The following ADAMTSL3 variants were observed in gnomAD, a reference collection of about 807,000 sequenced individuals.
ADAMTSL3 encodes the protein ADAMTS-like protein 3.
A neutral mutation model predicts 201.7 loss-of-function variants in ADAMTSL3; 128 were observed. The observed-to-expected ratio is 0.63, with a 90% CI of 0.55 to 0.73. ADAMTSL3 has a LOEUF of 0.73. Ranked by LOEUF, ADAMTSL3 falls within the 30% of genes least tolerant of loss-of-function variation. The probability of loss-of-function intolerance (pLI) is 0.00; values close to 1 mark genes in which losing one functional copy is unlikely to be tolerated. For synonymous variants in ADAMTSL3, 738 were observed against 748.4 expected, an observed-to-expected ratio of 0.99 and a Z score of 0.23; for missense variants, 1,990 against 2,119.6, an observed-to-expected ratio of 0.94 and a Z score of 1.20.
chr15:83,923,385 A>G (rs2066184087), intron 16 of ADAMTSL3, among the ~76,000 whole-genome samples: 1 of 152,256 alleles, frequency 6.6e-6, no homozygotes, highest in Admixed American at 6.5e-5. Flanking sequence ...GAAACGTTAC[A>G]AATTACAGTC....
intron 3 of ADAMTSL3, among the ~76,000 whole-genome samples, chr15:83,722,544 T>G (rs1207583276): frequency 1.3e-5 from 2 of 152,198 alleles, no homozygotes; most frequent in African/African-American, 2.4e-5. Flanking sequence ...CCTTATCCTC[T>G]GAGCCTAAGT....
intron 5 of ADAMTSL3, among the ~76,000 whole-genome samples, chr15:83,811,924 C>A (rs1432617913): frequency 6.6e-6 from 1 of 152,178 alleles, no homozygotes; most frequent in Non-Finnish European, 1.5e-5. Context: ...ACAGTATCTG[C>A]AGCTGTGCAC....
chr15:83,870,840 C>G lies in ADAMTSL3; in HGVS notation c.841C>G (p.His281Asp). The G allele has an allele frequency of 1.9e-6, 3 of 1,610,332 alleles. No homozygotes were observed. The highest frequency in any genetic ancestry group is 1.7e-6 in the Non-Finnish European group (2 of 1,178,886). The change falls in exon 9 of 30, where the codon CAC (histidine) becomes GAC (aspartate). Residue 281 changes from histidine (H) to aspartate (D), a missense_variant. Physicochemically the swap from His to Asp is moderately conservative, Grantham distance 81 (BLOSUM62 -1). Transcript: ENST00000286744. ...AACACTTCAAGGAAGCAAAGGAGAA[C>G]ACAGCTTTAACAGCCCCGGCGTCTT... ...SKTLQGSKGE[H>D]SFNSPGVFLV...
chr15:83,668,300 C>CT (rs34123860), intron 2 of ADAMTSL3, among the ~76,000 whole-genome samples: 81,399 of 151,310 alleles, frequency 0.54, 23,207 homozygotes, highest in East Asian at 0.77. Context: ...TTTTCTCACT[C>CT]TTTTTTTTCA....
At position 83,942,679 on chromosome 15, in the gene ADAMTSL3, G is replaced by T. The variant is rs1169957894; in HGVS notation, c.2201G>T (p.Gly734Val). 6.2e-7 allele frequency: 1 copy of T among 1,614,092 alleles called. No individual in the cohort carries two copies. The highest frequency in any genetic ancestry group is 1.1e-5 in the South Asian group (1 of 91,084). ...QTRDVYCLHPGETPAPPEECR... is the reference protein window; with the variant it reads ...QTRDVYCLHPVETPAPPEECR... Reference sequence around the variant, plus strand: ...CGAGATGTGTACTGCCTGCACCCAGGGGAGACCCCTGCCCCTCCTGAGGAG... The same window carrying T: ...CGAGATGTGTACTGCCTGCACCCAGTGGAGACCCCTGCCCCTCCTGAGGAG... The change falls in exon 18 of 30, where the codon GGG becomes GTG. Residue 734 changes from glycine to valine, a missense_variant. Physicochemically the swap from Gly to Val is moderately radical, Grantham distance 109. Transcript: ENST00000286744.
intron 7 of ADAMTSL3, among the ~76,000 whole-genome samples, chr15:83,856,278 C>T (rs989550846): frequency 2.0e-5 from 3 of 150,722 alleles, no homozygotes; most frequent in Admixed American, 1.3e-4. Flanking sequence ...AGTGATCCTC[C>T]CACCCCAGAC....
At chr15:83,743,430 G>A (rs1230012741) in intron 3 of ADAMTSL3, among the ~76,000 whole-genome samples, 1 of 150,264 alleles carries the variant, frequency 6.7e-6, no homozygotes, top group African/African-American at 2.5e-5. Context: ...GGAGAATGGC[G>A]TGAACCCGGG....
chr15:83,760,921 G>A (rs1374192768), intron 3 of ADAMTSL3, among the ~76,000 whole-genome samples: 1 of 151,928 alleles, frequency 6.6e-6, no homozygotes, highest in African/African-American at 2.4e-5. Context: ...CTGACAATCT[G>A]TCTTTTAATT....
At chr15:83,806,243 G>A (rs536756609) in intron 5 of ADAMTSL3, among the ~76,000 whole-genome samples, 1 of 143,936 alleles carries the variant, frequency 6.9e-6, no homozygotes, top group Admixed American at 7.0e-5. Flanking sequence ...TCCCTGCAAG[G>A]AACAGGTCCT....
chr15:83,835,970 T>A (rs2064261373), intron 6 of ADAMTSL3, among the ~76,000 whole-genome samples: 1 of 152,244 alleles, frequency 6.6e-6, no homozygotes, highest in African/African-American at 2.4e-5. Flanking sequence ...ATGTTTAGAT[T>A]CCTTATTTAT....
intron 23 of ADAMTSL3, among the ~76,000 whole-genome samples, chr15:83,998,409 A>G (rs1489984628): frequency 2.6e-5 from 4 of 152,230 alleles, no homozygotes; most frequent in Non-Finnish European, 5.9e-5. Flanking sequence ...AGATAGTGCC[A>G]CTGCACTCCA....
At chr15:83,801,661 T>A (rs372004820) in intron 4 of ADAMTSL3, among the ~76,000 whole-genome samples, 13,625 of 56,420 alleles carry the variant, frequency 0.24, 2,334 homozygotes, top group East Asian at 0.43. Flanking sequence ...AATATATATA[T>A]ATATATATAT....
At chr15:83,965,023 C>A (rs1228800766) in intron 19 of ADAMTSL3, among the ~76,000 whole-genome samples, 1 of 152,120 alleles carries the variant, frequency 6.6e-6, no homozygotes, top group Non-Finnish European at 1.5e-5. Flanking sequence ...CTGAAGGAAG[C>A]ACTAAACATG....
At chr15:84,005,283 T>C (rs1388653705) in intron 23 of ADAMTSL3, among the ~76,000 whole-genome samples, 4 of 152,226 alleles carry the variant, frequency 2.6e-5, no homozygotes, top group Admixed American at 6.5e-5. Flanking sequence ...GGCTAATAGC[T>C]ATTTGTTCAT....
intron 15 of ADAMTSL3, among the ~76,000 whole-genome samples, chr15:83,901,032 G>A (rs747166367): frequency 6.6e-6 from 1 of 152,146 alleles, no homozygotes; most frequent in Non-Finnish European, 1.5e-5. Context: ...AGGGCAGTGT[G>A]GGTTACTTTG....
At chr15:83,895,441 T>C (rs2065592458) in intron 13 of ADAMTSL3, among the ~76,000 whole-genome samples, 1 of 152,216 alleles carries the variant, frequency 6.6e-6, no homozygotes, top group Non-Finnish European at 1.5e-5. Flanking sequence ...ACTTTATCAT[T>C]ATGTATATTA....
intron 3 of ADAMTSL3, among the ~76,000 whole-genome samples, chr15:83,728,440 T>A (rs1680137405): frequency 6.6e-6 from 1 of 151,212 alleles, no homozygotes; most frequent in Admixed American, 6.6e-5. Context: ...CCCCTTCCTA[T>A]TTTCTTTTTA....
At chr15:84,007,497 G>A (rs939886529) in intron 23 of ADAMTSL3, among the ~76,000 whole-genome samples, 3 of 152,104 alleles carry the variant, frequency 2.0e-5, no homozygotes, top group Admixed American at 6.5e-5. Flanking sequence ...TGAAGCTTCC[G>A]TATGCTATGA....
chr15:83,945,103 A>C (rs560548858), intron 19 of ADAMTSL3, among the ~76,000 whole-genome samples: 1 of 152,316 alleles, frequency 6.6e-6, no homozygotes, highest in South Asian at 2.1e-4. Context: ...AAACCTCAGA[A>C]GAGGCCCAAG....
Sources: allele counts gnomAD v4.1 joint callset (sites outside exome capture counted in the v4.1 genomes callset), GRCh38; gene constraint gnomAD v4.1.1; transcripts MANE v1.5; gene names NCBI Gene and HGNC (gene_info 2026-07-23, HGNC 2026-07-21).